The following GFI1B variants were observed in gnomAD, a reference collection of about 807,000 sequenced individuals.
GFI1B encodes zinc finger protein Gfi-1b.
In GFI1B, 20 loss-of-function variants were observed where a neutral mutation model predicts 35.3. The observed-to-expected ratio is 0.57, with a 90% confidence interval of 0.40 to 0.82. The LOEUF (loss-of-function observed/expected upper bound fraction) is 0.82, where lower values mean the gene tolerates loss of function less well. Among genes scored for constraint, GFI1B ranks in the 40% least tolerant of loss-of-function variants. GFI1B has a pLI of 0.00. For missense variants in GFI1B, 430 were observed against 446.3 expected, an observed-to-expected ratio of 0.96 and a Z score of 0.33; for synonymous variants, 178 against 177.6, an observed-to-expected ratio of 1.00 and a Z score of -0.02.
chr9:132,976,875 G>A (rs1016167243), upstream of GFI1B, among the ~76,000 whole-genome samples: 3 of 152,180 alleles, frequency 2.0e-5, no homozygotes, highest in African/African-American at 7.2e-5. Flanking sequence ...CAGGGAGGTC[G>A]AGGCTGCAGT....
In GFI1B at chr9:132,955,807, C is replaced by CGTGTGTGT. The variant is rs1491095156; in HGVS notation, c.-701+10138_-701+10139insGTGTGTGT. Among the ~76,000 whole-genome samples, 12 of 84,854 alleles carry CGTGTGTGT rather than the reference C, an allele frequency of 1.4e-4. No individual in the cohort carries two copies. The South Asian group carries it at 1.7e-3, about 12-fold the overall frequency. 55.7% of individuals were successfully genotyped at this position (84,854 alleles called of 152,430 possible). On this transcript the variant is annotated intron_variant, in intron 1 of 10. Transcript: ENST00000339463. ...CCAACGTGATGTGTGTGTGTGTGTG[C>CGTGTGTGT]ATGTGTGTGTGTGTGTGTGTGTGTG...
chr9:132,988,093 G>A, intron 3 of GFI1B, 104 bp from the exon 4 acceptor site: 1 of 1,024,490 alleles, frequency 9.8e-7, no homozygotes, highest in Non-Finnish European at 1.5e-6. Flanking sequence ...TGACCCACTT[G>A]CCTCAGCCTC....
At chr9:132,967,552 A>G (rs1204253368) in intron 1 of GFI1B, among the ~76,000 whole-genome samples, 1 of 152,178 alleles carries the variant, frequency 6.6e-6, no homozygotes, top group African/African-American at 2.4e-5. Flanking sequence ...ATCAAAGAAA[A>G]CTGGGGGAAA....
chr9:132,964,608 C>T (rs533212508), intron 1 of GFI1B, among the ~76,000 whole-genome samples: 35 of 152,240 alleles, frequency 2.3e-4, no homozygotes, highest in East Asian at 1.9e-3. Context: ...GCACAAAGGC[C>T]GTCACAATTC....
chr9:132,968,036 C>A (rs1026749899), intron 1 of GFI1B, among the ~76,000 whole-genome samples: 14 of 152,202 alleles, frequency 9.2e-5, no homozygotes, highest in African/African-American at 3.4e-4. Context: ...CCTGCCTTGG[C>A]CTCCCAAAGT....
intron 1 of GFI1B, among the ~76,000 whole-genome samples, chr9:132,968,377 C>G (rs919740548): frequency 6.6e-6 from 1 of 152,044 alleles, no homozygotes; most frequent in Admixed American, 6.5e-5. Flanking sequence ...CCACTTCAGC[C>G]TCCCAGAGTG....
intron 1 of GFI1B, among the ~76,000 whole-genome samples, chr9:132,969,509 A>G (rs1848501545): frequency 2.0e-5 from 3 of 152,216 alleles, no homozygotes. Context: ...GTATGGACCA[A>G]CTACATTCCA....
rs766473410 is a variant in GFI1B at position 132,988,402 on chromosome 9, C to T, written c.444C>T (p.Pro148=). 9.3e-6 allele frequency: 15 copies of T among 1,614,092 alleles called. No homozygotes were observed. The highest frequency in any genetic ancestry group is 2.2e-5 in the East Asian group (1 of 44,882). Residue 148 remains proline (P), a synonymous_variant, in exon 4 of 7, where the codon CCC becomes CCT. Coordinates refer to ENST00000372122, the MANE Select transcript of GFI1B (RefSeq NM_001377304.1). ...GTCCTCTTGTGCCCAGCACTGAGCCCGCCTTGGACTTCAGCCTCCGCTACT... is the reference window on the plus strand; with the variant it reads ...GTCCTCTTGTGCCCAGCACTGAGCCTGCCTTGGACTTCAGCCTCCGCTACT... ...YGSPLVPSTE[P]ALDFSLRYSP...
intron 1 of GFI1B, among the ~76,000 whole-genome samples, chr9:132,956,816 C>T (rs1232501317): frequency 6.6e-6 from 1 of 152,122 alleles, no homozygotes; most frequent in Non-Finnish European, 1.5e-5. Flanking sequence ...GGCTCAGGGC[C>T]CCTCACAAGG....
At chr9:132,976,264 T>C (rs1269484483), upstream of GFI1B, among the ~76,000 whole-genome samples, 2 of 152,144 alleles carry the variant, frequency 1.3e-5, no homozygotes, top group Non-Finnish European at 2.9e-5. Flanking sequence ...GCAAACGAAC[T>C]TAGGAAGCAC....
chr9:132,949,371 G>A (rs1848168400), intron 1 of GFI1B, among the ~76,000 whole-genome samples: 1 of 150,638 alleles, frequency 6.6e-6, no homozygotes, highest in South Asian at 2.1e-4. Context: ...CCAACCCCCT[G>A]ATTGGACCTG....
At chr9:132,981,308 A>G (rs903941291) in intron 1 of GFI1B, among the ~76,000 whole-genome samples, 2 of 152,142 alleles carry the variant, frequency 1.3e-5, no homozygotes, top group African/African-American at 4.8e-5. Context: ...TATCTCTTTG[A>G]GTCTCCCCTT....
intron 1 of GFI1B, among the ~76,000 whole-genome samples, chr9:132,959,394 G>T (rs1312391912): frequency 6.6e-6 from 1 of 152,164 alleles, no homozygotes; most frequent in Non-Finnish European, 1.5e-5. Flanking sequence ...CAGCCCTGAG[G>T]AACTGTGAGT....
intron 1 of GFI1B, among the ~76,000 whole-genome samples, chr9:132,985,585 G>A (rs111796371): frequency 0.011 from 1,602 of 152,280 alleles, 11 homozygotes; most frequent in Non-Finnish European, 0.018. Flanking sequence ...ACAAGGCGCA[G>A]CCGTGCTCTG....
chr9:132,974,601 C>CAAAAAAAAAAAAAAAA (rs11243966), upstream of GFI1B, among the ~76,000 whole-genome samples: 250 of 79,840 alleles, frequency 3.1e-3, 8 homozygotes, highest in African/African-American at 0.013. Flanking sequence ...GAATCCGTCT[C>CAAAAAAAAAAAAAAAA]AAAAAAAAAA....
chr9:132,976,932 C>T (rs564629745), upstream of GFI1B, among the ~76,000 whole-genome samples: 1 of 152,244 alleles, frequency 6.6e-6, no homozygotes, highest in East Asian at 1.9e-4. Context: ...ACAAAGCCAA[C>T]TCCTGTCTCT....
chr9:132,959,335 C>G (rs1051527586), intron 1 of GFI1B, among the ~76,000 whole-genome samples: 11 of 152,220 alleles, frequency 7.2e-5, no homozygotes, highest in African/African-American at 2.2e-4. Context: ...TGAAGAAGGA[C>G]ATGTTTGCTT....
chr9:132,965,836 C>A (rs1460424858), intron 1 of GFI1B, among the ~76,000 whole-genome samples: 1 of 152,168 alleles, frequency 6.6e-6, no homozygotes, highest in African/African-American at 2.4e-5. Flanking sequence ...TTGTTTTAAG[C>A]CACCCAACAT....
chr9:132,968,882 A>G (rs1848489852), intron 1 of GFI1B, among the ~76,000 whole-genome samples: 1 of 152,154 alleles, frequency 6.6e-6, no homozygotes, highest in South Asian at 2.1e-4. Flanking sequence ...GTACGTTCAT[A>G]TCAGTCCACA....
Sources: allele counts gnomAD v4.1 joint callset (sites outside exome capture counted in the v4.1 genomes callset), GRCh38; gene constraint gnomAD v4.1.1; transcripts MANE v1.5; gene names NCBI Gene and HGNC (gene_info 2026-07-23, HGNC 2026-07-21).